Variants in PXDN observed in about 807,000 individuals in gnomAD.
PXDN encodes peroxidasin homolog.
A neutral mutation model predicts 140.3 loss-of-function variants in PXDN; 77 were observed. The observed-to-expected ratio is 0.55, with a 90% CI of 0.46 to 0.66. The LOEUF is 0.66. Ranked by LOEUF, PXDN falls within the 30% of genes least tolerant of loss-of-function variation. PXDN has a pLI of 0.00. For synonymous variants in PXDN, 911 were observed against 857.4 expected (o/e 1.06, Z -1.09); for missense variants, 1,838 against 2,039.5 (o/e 0.90, Z 1.90).
intron 7 of PXDN, among the ~76,000 whole-genome samples, chr2:1,679,004 CTG>C (rs1350621360): frequency 2.0e-5 from 3 of 152,104 alleles, no homozygotes; most frequent in South Asian, 4.2e-4. Context: ...AAAAAAAAAA[CTG>C]TGTATTTTTG....
At chr2:1,733,633 T>C (rs1243920010) in intron 1 of PXDN, among the ~76,000 whole-genome samples, 1 of 150,178 alleles carries the variant, frequency 6.7e-6, no homozygotes, top group African/African-American at 2.5e-5. Context: ...TCCCAGCTAC[T>C]GAGGAGGCTG....
At chr2:1,676,550 T>C in intron 8 of PXDN, 1 of 259,410 alleles carries the variant, frequency 3.9e-6, no homozygotes. Context: ...TTGGTCACAA[T>C]GCCCCAGGTC....
chr2:1,648,818 G>A lies in PXDN; in HGVS notation c.2962C>T (p.His988Tyr), dbSNP rs374095501. Residue 988 changes from histidine (H) to tyrosine (Y), a missense_variant, in exon 17 of 23, where the codon CAC (histidine) becomes TAC (tyrosine). His to Tyr is a moderately conservative substitution (Grantham distance 83). Transcript: ENST00000252804. This position sits in a 1 kb window ranked among gnomAD's most constrained non-coding sequence, Gnocchi z 8.9. The stretch of plus-strand genomic sequence containing the variant: ...TTGTGCTCGCGGAACCACAGCGTGT[G>A]CATGCTGGTCAGGCCCAGCTGCTCG... The part of the protein sequence containing the change: ...ANEQLGLTSM[H>Y]TLWFREHNRI... 4 of 1,602,596 alleles carry A rather than the reference G, an allele frequency of 2.5e-6. No homozygotes were observed. Among genetic ancestry groups the A allele is most frequent in the Non-Finnish European group, 3.4e-6 (4 of 1,176,212 alleles).
At chr2:1,674,267 C>T (rs1276870081) in intron 8 of PXDN, among the ~76,000 whole-genome samples, 3 of 152,290 alleles carry the variant, frequency 2.0e-5, no homozygotes, top group African/African-American at 4.8e-5. Flanking sequence ...TGGAGCGCAG[C>T]GGTATAACCA....
At chr2:1,662,304 T>A (rs1311757878) in intron 12 of PXDN, 120 bp from the exon 13 acceptor site, 9 of 845,564 alleles carry the variant, frequency 1.1e-5, no homozygotes, top group Non-Finnish European at 1.7e-5. Flanking sequence ...TCACAGTCAG[T>A]TTCAGAATGG....
chr2:1,650,329 C>A (rs1288637092), intron 16 of PXDN, among the ~76,000 whole-genome samples: 1 of 152,168 alleles, frequency 6.6e-6, no homozygotes, highest in African/African-American at 2.4e-5. Context: ...TGGTGGAGGT[C>A]ATCCACACGC....
intron 1 of PXDN, among the ~76,000 whole-genome samples, chr2:1,730,082 G>C (rs1312781996): frequency 2.0e-5 from 3 of 152,120 alleles, no homozygotes; most frequent in Admixed American, 2.0e-4. Flanking sequence ...TACTACACAC[G>C]CCTGAATGCT....
Position 1,649,192 on chromosome 2 carries a change from G to C in PXDN, c.2588C>G (p.Pro863Arg). ...NDPPCFSVMI[P>R]PNDSRARSGA... Reference sequence around the variant, plus strand: ...GCTCCTGGCCCGGGAGTCATTGGGGGGGATCATGACAGAGAAGCAGGGGGG... The same window carrying C: ...GCTCCTGGCCCGGGAGTCATTGGGGCGGATCATGACAGAGAAGCAGGGGGG... Residue 863 changes from proline to arginine, a missense_variant, in exon 17 of 23, where the codon CCC (proline) becomes CGC (arginine). Physicochemically the swap from Pro to Arg is moderately radical, Grantham distance 103. Around this residue, in one of 5 missense-constraint regions of PXDN, gnomAD observed 850 missense variants for 894.1 expected, o/e 0.95. Transcript: ENST00000252804. The surrounding 1 kb of genome is among the most constrained non-coding windows in gnomAD (Gnocchi z 7.1). 2 of 1,569,804 alleles carry C rather than the reference G, an allele frequency of 1.3e-6. No homozygotes were observed. The highest frequency in any genetic ancestry group is 8.7e-7 in the Non-Finnish European group (1 of 1,154,266).
Position 1,633,252 on chromosome 2 carries a change from CATCCGGAAGCGGCTCTTGTTCAGG to C in PXDN, c.*928_*951del, listed in dbSNP as rs1682459824. The C allele has an allele frequency of 6.6e-6, 1 of 151,096 alleles. No homozygotes were observed. Among genetic ancestry groups the C allele is most frequent in the South Asian group, 2.1e-4 (1 of 4,774 alleles). 9.4% of individuals were successfully genotyped at this position (151,096 alleles called of 1,614,324 possible). ...GAGCTCCTCCTCCCTTGGGAAGAGC[CATCCGGAAGCGGCTCTTGTTCAGG>C]ACGTGGACGCAACCAGGGCCGGCTG... On this transcript the variant is annotated 3_prime_UTR_variant, in exon 23 of 23. Coordinates refer to ENST00000252804, the MANE Select transcript of PXDN (RefSeq NM_012293.3).
intron 11 of PXDN, 152 bp downstream of exon 11, chr2:1,664,806 C>T (rs1373757981): frequency 1.5e-6 from 1 of 668,518 alleles, no homozygotes; most frequent in African/African-American, 1.8e-5. Flanking sequence ...GTGCAGACAC[C>T]TCTGCGCTTC....
At chr2:1,677,698 G>A (rs944058225) in intron 7 of PXDN, among the ~76,000 whole-genome samples, 1 of 152,126 alleles carries the variant, frequency 6.6e-6, no homozygotes, top group Non-Finnish European at 1.5e-5. Context: ...TGGCTGCTCC[G>A]GAGCTCCAGG....
intron 9 of PXDN, chr2:1,672,364 T>C (rs1181152830): frequency 6.6e-6 from 1 of 152,288 alleles, no homozygotes; most frequent in Non-Finnish European, 1.5e-5. Flanking sequence ...AAGTAGTTCA[T>C]TACTCATAAT....
chr2:1,655,189 C>T (rs547661872), intron 14 of PXDN, among the ~76,000 whole-genome samples: 37 of 151,776 alleles, frequency 2.4e-4, no homozygotes, highest in Non-Finnish European at 4.3e-4. Flanking sequence ...ACATTATACA[C>T]ACATGTCACA....
intron 1 of PXDN, among the ~76,000 whole-genome samples, chr2:1,723,913 T>C (rs918218160): frequency 6.6e-6 from 1 of 152,246 alleles, no homozygotes; most frequent in Non-Finnish European, 1.5e-5. Context: ...CTGCTTTAAT[T>C]GATATTTTAA....
In PXDN at chr2:1,660,393, G is replaced by A. The variant is rs549110059; in HGVS notation, c.1837+488C>T. Reference sequence around the variant, plus strand: ...AGGACGGCTCTAGGACCACCGACTGGATCTATGTAAGGCTGCCTACGAGCA... The same window carrying A: ...AGGACGGCTCTAGGACCACCGACTGAATCTATGTAAGGCTGCCTACGAGCA... On this transcript the variant is annotated intron_variant, in intron 14 of 22. Coordinates refer to ENST00000252804, the MANE Select transcript of PXDN (RefSeq NM_012293.3). The surrounding 1 kb of genome is among the most constrained non-coding windows in gnomAD (Gnocchi z 4.6). 3.4e-4 allele frequency among the ~76,000 whole-genome samples: 52 copies of A among 152,294 alleles called. No homozygotes were observed. Among genetic ancestry groups the A allele is most frequent in the Non-Finnish European group, 5.4e-4 (37 of 68,038 alleles).
At position 1,680,265 on chromosome 2, in the gene PXDN, C is replaced by G; in HGVS notation, c.658G>C (p.Ala220Pro). The G allele has an allele frequency of 3.1e-6, 5 of 1,613,492 alleles. No homozygotes were observed. Among genetic ancestry groups the G allele is most frequent in the Non-Finnish European group, 4.2e-6 (5 of 1,179,724 alleles). The change falls in exon 7 of 23, where the codon GCC (alanine) becomes CCC (proline). Residue 220 changes from alanine to proline, a missense_variant. Coordinates refer to ENST00000252804, the MANE Select transcript of PXDN (RefSeq NM_012293.3). The stretch of plus-strand genomic sequence containing the variant: ...ATGCGTCTGGGATATTCACAGATGG[C>G]CGCTGCCTGCGCGTTCCCCGACTCC... Reference protein sequence around the residue: ...YAESGNAQAAAICEYPRRIQG... With the variant: ...YAESGNAQAAPICEYPRRIQG...
chr2:1,648,584 C>A lies in PXDN; in HGVS notation c.3196G>T (p.Ala1066Ser). The A allele has an allele frequency of 3.1e-6, 5 of 1,613,674 alleles. No homozygotes were observed. Among genetic ancestry groups the A allele is most frequent in the Non-Finnish European group, 4.2e-6 (5 of 1,179,856 alleles). ...GINAGIFNAF[A>S]TAAFRFGHTL... ...TGGCCAAACCTGAAGGCCGCGGTGG[C>A]GAAGGCGTTGAAGATGCCAGCATTG... The change falls in exon 17 of 23, where the codon GCC (alanine) becomes TCC (serine). Residue 1066 changes from alanine (A) to serine (S), a missense_variant. By Grantham distance (99) the Ala-to-Ser change is moderately conservative (BLOSUM62 1). Coordinates refer to ENST00000252804, the MANE Select transcript of PXDN (RefSeq NM_012293.3). This position sits in a 1 kb window ranked among gnomAD's most constrained non-coding sequence, Gnocchi z 8.9.
At chr2:1,693,542 A>G (rs1049833118) in intron 1 of PXDN, among the ~76,000 whole-genome samples, 1 of 152,218 alleles carries the variant, frequency 6.6e-6, no homozygotes, top group Non-Finnish European at 1.5e-5. Flanking sequence ...TGATTTCCTG[A>G]GCTGGAATTA....
At chr2:1,740,623 C>T (rs142782071) in intron 1 of PXDN, among the ~76,000 whole-genome samples, 92 of 152,090 alleles carry the variant, frequency 6.0e-4, no homozygotes, top group African/African-American at 2.1e-3. Context: ...AAGCACTGTG[C>T]GCCCTTTCCC....
Sources: allele counts gnomAD v4.1 joint callset (sites outside exome capture counted in the v4.1 genomes callset), GRCh38; gene constraint gnomAD v4.1.1; regional missense constraint gnomAD v4.1.1; non-coding constraint Gnocchi (gnomAD v3.1); transcripts MANE v1.5; gene names NCBI Gene and HGNC (gene_info 2026-07-23, HGNC 2026-07-21).